The following TTC28 variants were observed in gnomAD, a reference collection of about 807,000 sequenced individuals.
The protein encoded by TTC28 is tetratricopeptide repeat domain 28.
Under a neutral mutation model 198.0 loss-of-function variants are expected in TTC28, and 61 were observed. That is an observed-to-expected ratio of 0.31 (90% CI 0.25 to 0.38). TTC28 has a LOEUF of 0.38. Among genes scored for constraint, TTC28 ranks in the 10% least tolerant of loss-of-function variants. The pLI is 1.00. For missense variants in TTC28, 2,678 were observed against 3,164.0 expected (o/e 0.85, Z 3.69); for synonymous variants, 1,171 against 1,297.8 (o/e 0.90, Z 2.10).
intron 2 of TTC28, among the ~76,000 whole-genome samples, chr22:28,447,847 T>C (rs768296605): frequency 6.6e-6 from 1 of 152,230 alleles, no homozygotes; most frequent in Non-Finnish European, 1.5e-5. Flanking sequence ...CGCTTATTTG[T>C]GATCTGTATA....
At chr22:28,177,369 G>A (rs539724460) in intron 5 of TTC28, among the ~76,000 whole-genome samples, 2 of 152,252 alleles carry the variant, frequency 1.3e-5, no homozygotes, top group South Asian at 4.1e-4. Flanking sequence ...ATGCTGACAA[G>A]AACATGGAAC....
chr22:28,334,262 T>C (rs192780973), intron 2 of TTC28, among the ~76,000 whole-genome samples: 35 of 151,964 alleles, frequency 2.3e-4, no homozygotes, highest in Admixed American at 7.9e-4. Flanking sequence ...TGATGGACAT[T>C]TGGGTTGGTT....
At chr22:28,630,792 T>TAA (rs2051160839) in intron 1 of TTC28, among the ~76,000 whole-genome samples, 1 of 152,214 alleles carries the variant, frequency 6.6e-6, no homozygotes. Context: ...TATGTATGTT[T>TAA]AATAGTTACA....
At chr22:28,511,132 T>C (rs555494002) in intron 2 of TTC28, among the ~76,000 whole-genome samples, 3 of 152,290 alleles carry the variant, frequency 2.0e-5, no homozygotes, top group East Asian at 1.9e-4. Flanking sequence ...ACCACGGACA[T>C]TATTCACAGA....
rs1051844601 is a variant in TTC28, at chr22:27,990,155, C to G, written c.5578-148G>C. On this transcript the variant is annotated intron_variant, in intron 20 of 22. Coordinates refer to ENST00000397906, the MANE Select transcript of TTC28 (RefSeq NM_001145418.2). ...AGCATTTGAGATTCTTTTTCAGGTG[C>G]ATTCATACCTACTGTCCTGCTGTCC... 29 of 1,080,408 alleles carry G rather than the reference C, an allele frequency of 2.7e-5. No individual in the cohort carries two copies. The East Asian group carries it at 8.0e-4, about 30-fold the overall frequency. 66.9% of individuals were successfully genotyped at this position (1,080,408 alleles called of 1,614,324 possible).
intron 2 of TTC28, among the ~76,000 whole-genome samples, chr22:28,422,370 G>T (rs2146174677): frequency 6.6e-6 from 1 of 152,120 alleles, no homozygotes; most frequent in South Asian, 2.1e-4. Context: ...CTTGTCACTT[G>T]TGATTTAAAA....
intron 2 of TTC28, among the ~76,000 whole-genome samples, chr22:28,488,153 A>C (rs1392844951): frequency 2.0e-5 from 3 of 152,256 alleles, no homozygotes; most frequent in East Asian, 3.9e-4. Flanking sequence ...CACTACCAAG[A>C]AGTAGTCAAG....
At chr22:28,381,134 C>CA (rs981709849) in intron 2 of TTC28, among the ~76,000 whole-genome samples, 3,024 of 108,466 alleles carry the variant, frequency 0.028, 78 homozygotes, top group East Asian at 0.16. Flanking sequence ...ATCACATTCT[C>CA]AAAAAAAAAA....
intron 5 of TTC28, among the ~76,000 whole-genome samples, chr22:28,288,441 C>CA (rs2044727648): frequency 6.6e-6 from 1 of 152,144 alleles, no homozygotes; most frequent in Non-Finnish European, 1.5e-5. Context: ...AAGATATTCA[C>CA]AAAAATTTTA....
chr22:28,602,349 T>TA lies in TTC28; in HGVS notation c.381+27202dup, dbSNP rs909070205. On this transcript the variant is annotated intron_variant, in intron 2 of 22. Transcript: ENST00000397906. Reference sequence around the variant, plus strand: ...CCTGGACCAGAAGGGAAAGGGTGTCTATAAAGGAAGTGACTGGAGCAATCA... The same window carrying TA: ...CCTGGACCAGAAGGGAAAGGGTGTCTAATAAAGGAAGTGACTGGAGCAATCA... Among the ~76,000 whole-genome samples, 18 of 152,244 alleles carry TA rather than the reference T, an allele frequency of 1.2e-4. 1 individual carries two copies. Among genetic ancestry groups the TA allele is most frequent in the African/African-American group, 4.1e-4 (17 of 41,534 alleles).
At chr22:28,307,017 TACA>T (rs2045159949) in intron 2 of TTC28, among the ~76,000 whole-genome samples, 1 of 152,220 alleles carries the variant, frequency 6.6e-6, no homozygotes, top group Non-Finnish European at 1.5e-5. Flanking sequence ...AAGTATCTAG[TACA>T]GTGCAAAAAT....
At chr22:28,066,626 A>G (rs1337957404) in intron 12 of TTC28, among the ~76,000 whole-genome samples, 3 of 152,190 alleles carry the variant, frequency 2.0e-5, no homozygotes, top group African/African-American at 2.4e-5. Flanking sequence ...TCCCCTTAAA[A>G]TAACAGACCT....
chr22:28,585,391 A>G (rs899168760), intron 2 of TTC28, among the ~76,000 whole-genome samples: 1 of 152,176 alleles, frequency 6.6e-6, no homozygotes, highest in Admixed American at 6.5e-5. Flanking sequence ...GGGAGCACCA[A>G]CCTGGATTCC....
intron 16 of TTC28, 128 bp from the exon 17 acceptor site, chr22:27,996,387 C>T: frequency 4.3e-6 from 6 of 1,389,598 alleles, no homozygotes; most frequent in Non-Finnish European, 5.7e-6. Flanking sequence ...AGGGGAGCAG[C>T]TCACAGGCTG....
chr22:28,040,537 C>T (rs371982122), intron 12 of TTC28, among the ~76,000 whole-genome samples: 6 of 152,056 alleles, frequency 3.9e-5, no homozygotes, highest in African/African-American at 1.4e-4. Flanking sequence ...ATTCAACAGC[C>T]CTTCATGCTA....
chr22:28,441,704 A>G (rs2047624542), intron 2 of TTC28, among the ~76,000 whole-genome samples: 1 of 152,178 alleles, frequency 6.6e-6, no homozygotes, highest in African/African-American at 2.4e-5. Context: ...GTTCTGATAT[A>G]AAACACAGTA....
At chr22:28,430,249 TA>T (rs1278359054) in intron 2 of TTC28, among the ~76,000 whole-genome samples, 1 of 152,150 alleles carries the variant, frequency 6.6e-6, no homozygotes, top group Non-Finnish European at 1.5e-5. Context: ...TGATTTCCCT[TA>T]CAGAAATTGC....
At position 27,983,712 on chromosome 22, in the gene TTC28, G is replaced by C. The variant is rs773751768; in HGVS notation, c.5955C>G (p.Ile1985Met). 2.6e-6 allele frequency: 4 copies of C among 1,551,232 alleles called. No homozygotes were observed. The highest frequency in any genetic ancestry group is 3.5e-6 in the Non-Finnish European group (4 of 1,146,822). Residue 1985 changes from isoleucine to methionine, a missense_variant, in exon 23 of 23, where the codon ATC becomes ATG. By Grantham distance (10) the Ile-to-Met change is conservative. Around this residue, in one of 8 missense-constraint regions of TTC28, gnomAD observed 622 missense variants for 656.0 expected, o/e 0.95. Transcript: ENST00000397906. ...TGTACACAGAGATGGCATCTGAGGCGATGCTGTCCGCACCGGTGGGAGAGA... is the reference window on the plus strand; with the variant it reads ...TGTACACAGAGATGGCATCTGAGGCCATGCTGTCCGCACCGGTGGGAGAGA... ...PPFSPTGADS[I>M]ASDAISVYSL...
intron 5 of TTC28, among the ~76,000 whole-genome samples, chr22:28,179,687 C>A (rs1258762774): frequency 6.6e-6 from 1 of 152,156 alleles, no homozygotes; most frequent in African/African-American, 2.4e-5. Flanking sequence ...AGAATCATGG[C>A]AATGTGGAAT....
Sources: gnomAD v4.1 joint callset for allele counts (sites outside exome capture counted in the v4.1 genomes callset) on GRCh38, gnomAD v4.1.1 for gene constraint, gnomAD v4.1.1 regional missense constraint, MANE v1.5 for transcripts, NCBI Gene and HGNC (gene_info 2026-07-23, HGNC 2026-07-21) for gene names.